The following LIMK1 variants were observed in gnomAD, a reference collection of about 807,000 sequenced individuals.
LIMK1 encodes LIM motif-containing protein kinase.
LIMK1 carries 21 observed loss-of-function variants against 77.6 expected under a neutral mutation model. That is an observed-to-expected ratio of 0.27 (90% CI 0.19 to 0.39). LIMK1 has a LOEUF of 0.39. Among genes scored for constraint, LIMK1 ranks in the 10% least tolerant of loss-of-function variants. The pLI, the probability that LIMK1 is intolerant of heterozygous loss-of-function variation, is 1.00. For missense variants in LIMK1, 696 were observed against 901.6 expected, an observed-to-expected ratio of 0.77 and a Z score of 2.92; for synonymous variants, 358 against 370.0, an observed-to-expected ratio of 0.97 and a Z score of 0.37.
intron 2 of LIMK1, among the ~76,000 whole-genome samples, chr7:74,092,558 G>A (rs1262015261): frequency 2.0e-5 from 3 of 152,182 alleles, no homozygotes; most frequent in East Asian, 1.9e-4. Context: ...CCTGCCTCCC[G>A]GAAGGTTATG....
intron 2 of LIMK1, among the ~76,000 whole-genome samples, chr7:74,091,656 C>A (rs926441937): frequency 6.6e-6 from 1 of 152,302 alleles, no homozygotes; most frequent in Middle Eastern, 3.4e-3. Flanking sequence ...ACAGCTTAGT[C>A]CCACACCTCC....
Position 74,083,975 on chromosome 7 carries a change from G to C in LIMK1, c.-16G>C, listed in dbSNP as rs1799080035. 8.0e-7 allele frequency: 1 copy of C among 1,249,278 alleles called. No individual in the cohort carries two copies. The highest frequency in any genetic ancestry group is 1.0e-6 in the Non-Finnish European group (1 of 956,080). 77.4% of individuals were successfully genotyped at this position (1,249,278 alleles called of 1,614,324 possible). ...CCCAGCCCCAGCCCCGCCGGGCCCCGCCCCCCGTCGAGTGCATGAGGTTGA... is the reference window on the plus strand; with the variant it reads ...CCCAGCCCCAGCCCCGCCGGGCCCCCCCCCCCGTCGAGTGCATGAGGTTGA... On this transcript the variant is annotated 5_prime_UTR_variant, in exon 1 of 16. Coordinates refer to ENST00000336180, the MANE Select transcript of LIMK1 (RefSeq NM_002314.4).
At chr7:74,104,977 C>T (rs750826635) in intron 5 of LIMK1, among the ~76,000 whole-genome samples, 1 of 152,138 alleles carries the variant, frequency 6.6e-6, no homozygotes, top group Non-Finnish European at 1.5e-5. Context: ...GTTTTTGCGA[C>T]GGAGTCTCGC....
intron 2 of LIMK1, among the ~76,000 whole-genome samples, chr7:74,087,716 A>G (rs1177780963): frequency 6.6e-6 from 1 of 151,736 alleles, no homozygotes; most frequent in African/African-American, 2.4e-5. Flanking sequence ...CAGCCTCCCA[A>G]GTAGCTGGGA....
intron 2 of LIMK1, among the ~76,000 whole-genome samples, chr7:74,093,673 A>G (rs1340428786): frequency 6.6e-6 from 1 of 152,064 alleles, no homozygotes; most frequent in Non-Finnish European, 1.5e-5. Context: ...CTCCTGCCCC[A>G]GCCTGGCTTT....
In LIMK1 at chr7:74,111,717, C is replaced by T. The variant is rs914992541; in HGVS notation, c.1344+10C>T. 2 of 1,611,030 alleles carry T rather than the reference C, an allele frequency of 1.2e-6. No homozygotes were observed. The highest frequency in any genetic ancestry group is 1.1e-5 in the South Asian group (1 of 90,598). ...CATCGCATCAGGGATGGTGAGTGAGCCGGGTGCTCTAGCTCCATTCATAAT... is the reference window on the plus strand; with the variant it reads ...CATCGCATCAGGGATGGTGAGTGAGTCGGGTGCTCTAGCTCCATTCATAAT... On this transcript the variant is annotated intron_variant, in intron 11 of 15. Transcript: ENST00000336180.
chr7:74,115,708 C>A, intron 12 of LIMK1, 94 bp from the exon 13 acceptor site: 1 of 1,368,180 alleles, frequency 7.3e-7, no homozygotes, highest in Non-Finnish European at 1.0e-6. Flanking sequence ...GTTCTCTGGG[C>A]TGTCTACAGG....
Position 74,107,130 on chromosome 7 carries a change from C to T in LIMK1, c.1002C>T (p.Phe334=). The T allele has an allele frequency of 1.9e-6, 3 of 1,613,170 alleles. No individual in the cohort carries two copies. Among genetic ancestry groups the T allele is most frequent in the Non-Finnish European group, 2.5e-6 (3 of 1,179,924 alleles). ...LRVVCRPHRI[F]RPSDLIHGEV... ...TAGTCTGCCGGCCACACCGCATCTT[C>T]CGGCCGTCGGACCTCATCCACGGGG... The change falls in exon 8 of 16, where the codon TTC becomes TTT. Residue 334 remains phenylalanine, a synonymous_variant. Transcript: ENST00000336180.
At chr7:74,120,786 G>C in intron 14 of LIMK1, 106 bp from the exon 15 acceptor site, 4 of 1,557,332 alleles carry the variant, frequency 2.6e-6, no homozygotes, top group Non-Finnish European at 3.5e-6. Flanking sequence ...ACTGCAGTCA[G>C]GCTGCAGCCA....
chr7:74,086,017 A>G (rs1251525398), intron 2 of LIMK1, among the ~76,000 whole-genome samples, 173 bp downstream of exon 2: 1 of 152,164 alleles, frequency 6.6e-6, no homozygotes, highest in East Asian at 1.9e-4. Context: ...GAAAATCCCT[A>G]CAGGCCTTCC....
intron 2 of LIMK1, 80 bp from the exon 3 acceptor site, chr7:74,096,542 G>A: frequency 6.4e-7 from 1 of 1,557,542 alleles, no homozygotes; most frequent in Admixed American, 1.8e-5. Flanking sequence ...TCTTACAAAG[G>A]TGCCTGTAGC....
intron 1 of LIMK1, among the ~76,000 whole-genome samples, chr7:74,084,473 G>A (rs1554693793): frequency 6.6e-6 from 1 of 152,204 alleles, no homozygotes; most frequent in Non-Finnish European, 1.5e-5. Context: ...GTGACCTTGA[G>A]CCAGGCGCTG....
chr7:74,099,640 G>A (rs1404993006), intron 5 of LIMK1, among the ~76,000 whole-genome samples: 1 of 151,972 alleles, frequency 6.6e-6, no homozygotes. Flanking sequence ...TGAGGCAGGA[G>A]AATCACTTGA....
At chr7:74,119,801 G>A (rs1053722188) in intron 13 of LIMK1, among the ~76,000 whole-genome samples, 3 of 151,940 alleles carry the variant, frequency 2.0e-5, no homozygotes, top group Non-Finnish European at 2.9e-5. Flanking sequence ...CCAGCTACTC[G>A]GGAAATTGAG....
intron 4 of LIMK1, among the ~76,000 whole-genome samples, chr7:74,098,262 T>C (rs1799375338): frequency 6.6e-6 from 1 of 152,172 alleles, no homozygotes; most frequent in Non-Finnish European, 1.5e-5. Flanking sequence ...GAGGGGCTCA[T>C]GAATAACAAA....
At position 74,096,632 on chromosome 7, in the gene LIMK1, T is replaced by C; in HGVS notation, c.163T>C (p.Cys55Arg). The C allele has an allele frequency of 6.2e-7, 1 of 1,614,058 alleles. No homozygotes were observed. Among genetic ancestry groups the C allele is most frequent in the Non-Finnish European group, 8.5e-7 (1 of 1,180,010 alleles). ...WHADCFRCCDCSASLSHQYYE... is the reference protein window; with the variant it reads ...WHADCFRCCDRSASLSHQYYE... Reference sequence around the variant, plus strand: ...GCCCCTCTCCTGCAGGTGTTGTGACTGCAGTGCCTCCCTGTCGCACCAGTA... The same window carrying C: ...GCCCCTCTCCTGCAGGTGTTGTGACCGCAGTGCCTCCCTGTCGCACCAGTA... The change falls in exon 3 of 16, where the codon TGC (cysteine) becomes CGC (arginine). Residue 55 changes from cysteine to arginine, a missense_variant. By Grantham distance (180) the Cys-to-Arg change is radical. This residue lies in a region of LIMK1 where 252 missense variants were observed against 279.4 expected (regional missense o/e 0.90). Coordinates refer to ENST00000336180, the MANE Select transcript of LIMK1 (RefSeq NM_002314.4).
In LIMK1 at chr7:74,092,971, G is replaced by A. The variant is rs1042328663; in HGVS notation, c.153-3651G>A. ...GTGTTCAGGACTGAGGGCCAGGGACGGGCCACAGGCTCCCTGCCTGGGGTC... is the reference window on the plus strand; with the variant it reads ...GTGTTCAGGACTGAGGGCCAGGGACAGGCCACAGGCTCCCTGCCTGGGGTC... On this transcript the variant is annotated intron_variant, in intron 2 of 15. Transcript: ENST00000336180. 8.3e-5 allele frequency: 42 copies of A among 507,626 alleles called. No homozygotes were observed. In the South Asian group the frequency reaches 1.1e-3, roughly 14 times the overall value. The allele number at this position is 507,626 out of a possible 1,614,324, so 31.4% of individuals were successfully genotyped here.
At position 74,099,116 on chromosome 7, in the gene LIMK1, C is replaced by G; in HGVS notation, c.486C>G (p.Thr162=). 1.2e-6 allele frequency: 2 copies of G among 1,613,784 alleles called. No homozygotes were observed. The highest frequency in any genetic ancestry group is 1.7e-6 in the Non-Finnish European group (2 of 1,180,028). Reference sequence around the variant, plus strand: ...CCCCTGGCTCCCACCTGCCCCACACCGTCACCCTGGTGTCCATCCCAGCCT... The same window carrying G: ...CCCCTGGCTCCCACCTGCCCCACACGGTCACCCTGGTGTCCATCCCAGCCT... The part of the protein sequence containing the change: ...PDSPGSHLPH[T]VTLVSIPASS... The change falls in exon 5 of 16, where the codon ACC becomes ACG. Residue 162 remains threonine, a synonymous_variant. Coordinates refer to ENST00000336180, the MANE Select transcript of LIMK1 (RefSeq NM_002314.4).
chr7:74,088,013 G>A (rs555960197), intron 2 of LIMK1, among the ~76,000 whole-genome samples: 96 of 152,200 alleles, frequency 6.3e-4, no homozygotes, highest in Non-Finnish European at 1.2e-3. Context: ...TGGTTCAAGC[G>A]ATCCTTCTGA....
Sources: gnomAD v4.1 joint callset for allele counts (sites outside exome capture counted in the v4.1 genomes callset) on GRCh38, gnomAD v4.1.1 for gene constraint, gnomAD v4.1.1 regional missense constraint, MANE v1.5 for transcripts, NCBI Gene and HGNC (gene_info 2026-07-23, HGNC 2026-07-21) for gene names.